The following IRAK2 variants were observed in gnomAD, a reference collection of about 807,000 sequenced individuals.
The protein encoded by IRAK2 is interleukin-1 receptor-associated kinase-like 2.
In IRAK2, 57 loss-of-function variants were observed where a neutral mutation model predicts 72.0. The ratio of observed to expected loss-of-function variants is 0.79; its 90% confidence interval spans 0.64 to 0.99. IRAK2 has a LOEUF of 0.99. IRAK2 is among the 50% of genes least tolerant of loss of function. IRAK2 has a pLI of 0.00. For synonymous variants in IRAK2, 293 were observed against 312.7 expected (o/e 0.94, Z 0.67); for missense variants, 790 against 794.4 (o/e 0.99, Z 0.07).
chr3:10,166,834 G>C (rs958281450), intron 1 of IRAK2, among the ~76,000 whole-genome samples: 3 of 152,142 alleles, frequency 2.0e-5, no homozygotes, highest in Admixed American at 1.3e-4. Flanking sequence ...AGTAGAGATG[G>C]GGTTTCGCCA....
intron 2 of IRAK2, among the ~76,000 whole-genome samples, 155 bp from the exon 3 acceptor site, chr3:10,200,214 G>A (rs1697334664): frequency 6.6e-6 from 1 of 152,094 alleles, no homozygotes; most frequent in Non-Finnish European, 1.5e-5. Context: ...TGGGGAGGCC[G>A]GGGCCAGAAA....
intron 10 of IRAK2, among the ~76,000 whole-genome samples, chr3:10,226,992 T>G (rs1386405028): frequency 1.3e-5 from 2 of 151,128 alleles, no homozygotes; most frequent in African/African-American, 4.9e-5. Context: ...TAGAAAGCAC[T>G]TGTATAAAAG....
At chr3:10,228,934 GC>G (rs1274786623) in intron 10 of IRAK2, among the ~76,000 whole-genome samples, 1 of 149,138 alleles carries the variant, frequency 6.7e-6, no homozygotes, top group Non-Finnish European at 1.5e-5. Context: ...ATTTGTAGTG[GC>G]ATTTTTTTTT....
At chr3:10,176,975 C>A (rs1696887427) in intron 1 of IRAK2, among the ~76,000 whole-genome samples, 1 of 150,554 alleles carries the variant, frequency 6.6e-6, no homozygotes, top group Admixed American at 6.6e-5. Context: ...GCTAATTTTT[C>A]TATTTTTAGT....
intron 2 of IRAK2, among the ~76,000 whole-genome samples, chr3:10,192,606 A>G (rs559331695): frequency 2.1e-4 from 32 of 152,218 alleles, no homozygotes; most frequent in Non-Finnish European, 3.8e-4. Context: ...TAAATAGGCC[A>G]CAGATATGGG....
chr3:10,208,856 G>T (rs1344367947), intron 3 of IRAK2, among the ~76,000 whole-genome samples: 1 of 152,036 alleles, frequency 6.6e-6, no homozygotes. Flanking sequence ...CAATCCTCCT[G>T]CCTCAGCCTC....
intron 12 of IRAK2, among the ~76,000 whole-genome samples, chr3:10,241,566 G>GATAAAAAA (rs1698061166): frequency 7.6e-6 from 1 of 131,740 alleles, no homozygotes; most frequent in Non-Finnish European, 1.6e-5. Flanking sequence ...CTCAACAAAT[G>GATAAAAAA]ATAAATAAAT....
At chr3:10,219,930 CT>C in intron 8 of IRAK2, 141 bp downstream of exon 8, 5 of 640,938 alleles carry the variant, frequency 7.8e-6, no homozygotes, top group Non-Finnish European at 1.1e-5. Flanking sequence ...CTGCCCTCCC[CT>C]GGATGTCTTT....
chr3:10,218,456 G>A (rs1238001685), intron 7 of IRAK2, among the ~76,000 whole-genome samples: 2 of 149,810 alleles, frequency 1.3e-5, no homozygotes, highest in Admixed American at 6.6e-5. Flanking sequence ...CCAAAACGGT[G>A]ATGATTTAGC....
intron 10 of IRAK2, among the ~76,000 whole-genome samples, chr3:10,232,811 C>CT (rs535845785): frequency 2.5e-3 from 373 of 152,156 alleles, no homozygotes; most frequent in African/African-American, 8.0e-3. Flanking sequence ...CACCTATAAT[C>CT]TGAGCACTTT....
intron 1 of IRAK2, among the ~76,000 whole-genome samples, chr3:10,168,590 T>C (rs1263250712): frequency 6.6e-6 from 1 of 152,214 alleles, no homozygotes; most frequent in Non-Finnish European, 1.5e-5. Flanking sequence ...ATTTCCCTAA[T>C]GACTAATGCT....
rs9877867 is a variant in IRAK2 at position 10,237,785 on chromosome 3, G to A, written c.1474-963G>A. Among the ~76,000 whole-genome samples, 759 of 130,972 alleles carry A rather than the reference G, an allele frequency of 5.8e-3. 8 individuals are homozygous for A. The highest frequency in any genetic ancestry group is 0.02 in the African/African-American group (668 of 32,676). The allele number at this position is 130,972 out of a possible 152,430, so 85.9% of individuals were successfully genotyped here. On this transcript the variant is annotated intron_variant, in intron 11 of 12. Transcript: ENST00000256458. ...TACGCCCCTGCAGTCCGGCCTGGGCGAAAGAGCGAGACTCTGTCTCAAAAA... is the reference window on the plus strand; with the variant it reads ...TACGCCCCTGCAGTCCGGCCTGGGCAAAAGAGCGAGACTCTGTCTCAAAAA...
At chr3:10,188,512 T>G (rs1697118422) in intron 2 of IRAK2, among the ~76,000 whole-genome samples, 1 of 151,618 alleles carries the variant, frequency 6.6e-6, no homozygotes. Flanking sequence ...TTTTGTAATT[T>G]TATTTATTTA....
chr3:10,221,983 G>T (rs1285840416), intron 8 of IRAK2, among the ~76,000 whole-genome samples: 7 of 152,044 alleles, frequency 4.6e-5, no homozygotes, highest in Non-Finnish European at 4.4e-5. Flanking sequence ...CTGCTTCCGG[G>T]TTCAAGCAAT....
chr3:10,200,316 T>C, intron 2 of IRAK2, 53 bp from the exon 3 acceptor site: 1 of 1,485,896 alleles, frequency 6.7e-7, no homozygotes, highest in Non-Finnish European at 9.1e-7. Flanking sequence ...AGTCTCTCAA[T>C]GGCTACCCCA....
chr3:10,227,664 G>GTTT (rs1163281815), intron 10 of IRAK2, among the ~76,000 whole-genome samples: 7 of 137,752 alleles, frequency 5.1e-5, no homozygotes, highest in South Asian at 2.7e-4. Context: ...GACATCATGA[G>GTTT]TTTTTTTTTT....
At chr3:10,240,935 C>G (rs1698049757) in intron 12 of IRAK2, among the ~76,000 whole-genome samples, 1 of 151,872 alleles carries the variant, frequency 6.6e-6, no homozygotes, top group East Asian at 1.9e-4. Context: ...CTGACCACTC[C>G]TGTTTCTCTT....
chr3:10,200,178 G>A (rs564295040), intron 2 of IRAK2, among the ~76,000 whole-genome samples, 191 bp from the exon 3 acceptor site: 37 of 152,160 alleles, frequency 2.4e-4, no homozygotes, highest in African/African-American at 8.2e-4. Context: ...GTGAGCCACC[G>A]CGCCTGGTCT....
At position 10,238,983 on chromosome 3, in the gene IRAK2, G is replaced by A; in HGVS notation, c.1709G>A (p.Gly570Glu). The A allele has an allele frequency of 6.2e-7, 1 of 1,613,804 alleles. No individual in the cohort carries two copies. The highest frequency in any genetic ancestry group is 8.5e-7 in the Non-Finnish European group (1 of 1,179,852). ...NGEGRLRVIV[G>E]READSSSEAC... is the part of the protein sequence containing the mutation. ...GAAGGAAGGCTGCGGGTCATCGTGG[G>A]AAGGGAGGCTGACTCCTCCTCTGAG... The change falls in exon 12 of 13, where the codon GGA becomes GAA. Residue 570 changes from glycine (G) to glutamate (E), a missense_variant. By Grantham distance (98) the Gly-to-Glu change is moderately conservative. Transcript: ENST00000256458.
Sources: allele counts gnomAD v4.1 joint callset (sites outside exome capture counted in the v4.1 genomes callset), GRCh38; gene constraint gnomAD v4.1.1; transcripts MANE v1.5; gene names NCBI Gene and HGNC (gene_info 2026-07-23, HGNC 2026-07-21).